The following SPPL3 variants were observed in gnomAD, a reference collection of about 807,000 sequenced individuals.
SPPL3 encodes signal peptide peptidase like 3, also known as signal peptide peptidase-like 3.
In SPPL3, 5 loss-of-function variants were observed where a neutral mutation model predicts 42.4. The observed-to-expected ratio is 0.12, with a 90% CI of 0.06 to 0.25. The LOEUF (loss-of-function observed/expected upper bound fraction) is 0.25. Among genes scored for constraint, SPPL3 ranks in the 10% least tolerant of loss-of-function variants. The pLI, the probability that SPPL3 is intolerant of heterozygous loss-of-function variation, is 1.00. For missense variants in SPPL3, 235 were observed against 489.0 expected, an observed-to-expected ratio of 0.48 and a Z score of 4.90; for synonymous variants, 195 against 181.8, an observed-to-expected ratio of 1.07 and a Z score of -0.58.
At chr12:120,886,123 G>A (rs1279836368) in intron 1 of SPPL3, among the ~76,000 whole-genome samples, 1 of 150,816 alleles carries the variant, frequency 6.6e-6, no homozygotes, top group East Asian at 1.9e-4. Context: ...GATTACAGGC[G>A]TGAGCCACCA....
intron 10 of SPPL3, 105 bp downstream of exon 10, chr12:120,766,142 AGTCGAGATCACAAGCT>A: frequency 7.6e-6 from 5 of 656,448 alleles, no homozygotes; most frequent in Non-Finnish European, 1.2e-5. Flanking sequence ...ACACACACAC[AGTCGAGATCACAAGCT>A]CACTCAGGGG....
At chr12:120,869,237 C>G (rs1008649404) in intron 1 of SPPL3, among the ~76,000 whole-genome samples, 1 of 152,116 alleles carries the variant, frequency 6.6e-6, no homozygotes, top group African/African-American at 2.4e-5. Context: ...ACTACGATAC[C>G]ATGAGGAGTA....
At chr12:120,845,961 A>C (rs1048192310) in intron 1 of SPPL3, among the ~76,000 whole-genome samples, 2 of 151,852 alleles carry the variant, frequency 1.3e-5, no homozygotes, top group Non-Finnish European at 2.9e-5. Context: ...GCGGTGGTGC[A>C]ATCTTGCTCA....
chr12:120,903,939 G>A lies in SPPL3; in HGVS notation c.-72C>T. On this transcript the variant is annotated 5_prime_UTR_variant, in exon 1 of 11. Transcript: ENST00000353487. ...CGGCGGCGGGCTCGCTCGGGCCGTA[G>A]CTGAAGGCGCGGCCGGGGTCCGGTG... 2.4e-6 allele frequency: 3 copies of A among 1,244,022 alleles called. No individual in the cohort carries two copies. Among genetic ancestry groups the A allele is most frequent in the Non-Finnish European group, 3.1e-6 (3 of 979,602 alleles). 77.1% of individuals were successfully genotyped at this position (1,244,022 alleles called of 1,614,324 possible).
intron 1 of SPPL3, among the ~76,000 whole-genome samples, chr12:120,895,793 C>T (rs1476601854): frequency 6.6e-6 from 1 of 152,150 alleles, no homozygotes; most frequent in African/African-American, 2.4e-5. Context: ...AACTATTGTA[C>T]CAAATACAAC....
At chr12:120,790,989 A>G (rs1008924183) in intron 3 of SPPL3, among the ~76,000 whole-genome samples, 1 of 152,062 alleles carries the variant, frequency 6.6e-6, no homozygotes, top group African/African-American at 2.4e-5. Context: ...CACCTGGCTG[A>G]TTTTGTATTT....
chr12:120,767,281 A>G (rs1410698020), intron 9 of SPPL3, 113 bp downstream of exon 9: 2 of 1,184,148 alleles, frequency 1.7e-6, no homozygotes, highest in Non-Finnish European at 2.4e-6. Flanking sequence ...TACAGCACCC[A>G]GAATTCCTGC....
chr12:120,884,210 G>C (rs1873378127), intron 1 of SPPL3, among the ~76,000 whole-genome samples: 1 of 152,100 alleles, frequency 6.6e-6, no homozygotes, highest in African/African-American at 2.4e-5. Flanking sequence ...ACAGGGGACA[G>C]AGGCATGAGG....
rs142481202 is a variant in SPPL3 at position 120,863,449 on chromosome 12, G to A, written c.23+40396C>T. Among the ~76,000 whole-genome samples, 5 of 152,266 alleles carry A rather than the reference G, an allele frequency of 3.3e-5. No individual in the cohort carries two copies. In the East Asian group the frequency reaches 9.6e-4, roughly 29 times the overall value. ...TTACATTTCTGCAAATATCTTTAATGTCTGGCTTAATCGAAGTCAGCAGTA... is the reference window on the plus strand; with the variant it reads ...TTACATTTCTGCAAATATCTTTAATATCTGGCTTAATCGAAGTCAGCAGTA... On this transcript the variant is annotated intron_variant, in intron 1 of 10. Transcript: ENST00000353487.
At chr12:120,899,277 C>A (rs1873901102) in intron 1 of SPPL3, among the ~76,000 whole-genome samples, 1 of 152,180 alleles carries the variant, frequency 6.6e-6, no homozygotes, top group Non-Finnish European at 1.5e-5. Context: ...TCTTGCAGCA[C>A]TGGTACATCA....
At chr12:120,891,160 C>T (rs1382174984) in intron 1 of SPPL3, among the ~76,000 whole-genome samples, 1 of 152,180 alleles carries the variant, frequency 6.6e-6, no homozygotes, top group Non-Finnish European at 1.5e-5. Context: ...CTTGTTATTC[C>T]CTTTTTCCTA....
chr12:120,875,595 C>T (rs1873061208), intron 1 of SPPL3, among the ~76,000 whole-genome samples: 2 of 149,488 alleles, frequency 1.3e-5, no homozygotes, highest in South Asian at 4.2e-4. Context: ...TGCCACTGCC[C>T]TCTAGCCTGG....
chr12:120,790,575 A>C (rs1218348360), intron 3 of SPPL3, among the ~76,000 whole-genome samples: 2 of 152,162 alleles, frequency 1.3e-5, no homozygotes, highest in African/African-American at 4.8e-5. Context: ...CTTCTCCACC[A>C]ATCCACATTC....
In SPPL3 at chr12:120,810,890, G is replaced by C; in HGVS notation, c.24-4C>G. The C allele has an allele frequency of 6.2e-7, 1 of 1,610,200 alleles. No individual in the cohort carries two copies. The highest frequency in any genetic ancestry group is 8.5e-7 in the Non-Finnish European group (1 of 1,176,728). ...GGAATCCACCAGGGAATAGGCCCTA[G>C]AGAAATAAGAGGAAAAAAATTTAAA... is the stretch of plus-strand genomic sequence containing the variant. On this transcript the variant is annotated splice_polypyrimidine_tract_variant and splice_region_variant and intron_variant, in intron 1 of 10. Coordinates refer to ENST00000353487, the MANE Select transcript of SPPL3 (RefSeq NM_139015.5).
At chr12:120,802,732 G>A (rs1870359114) in intron 2 of SPPL3, among the ~76,000 whole-genome samples, 1 of 151,870 alleles carries the variant, frequency 6.6e-6, no homozygotes, top group African/African-American at 2.4e-5. Flanking sequence ...ACCGTGCCTG[G>A]TCTGCTACCA....
intron 6 of SPPL3, chr12:120,769,947 G>C (rs1441937269): frequency 1.4e-5 from 2 of 146,982 alleles, no homozygotes; most frequent in Non-Finnish European, 3.0e-5. Context: ...TTCCATTTGG[G>C]TGAATTTTCA....
At chr12:120,883,677 A>G (rs1475754740) in intron 1 of SPPL3, among the ~76,000 whole-genome samples, 2 of 152,256 alleles carry the variant, frequency 1.3e-5, no homozygotes, top group Non-Finnish European at 2.9e-5. Context: ...ACTGGAAAGG[A>G]ATGCAACAAC....
intron 1 of SPPL3, among the ~76,000 whole-genome samples, chr12:120,817,952 C>A (rs546954840): frequency 1.3e-4 from 20 of 152,212 alleles, no homozygotes; most frequent in African/African-American, 4.8e-4. Context: ...AGACTACGAT[C>A]AATGGAGCAG....
chr12:120,826,448 G>C (rs1871235405), intron 1 of SPPL3, among the ~76,000 whole-genome samples: 1 of 152,124 alleles, frequency 6.6e-6, no homozygotes, highest in Admixed American at 6.5e-5. Context: ...ATGTGGCAGA[G>C]ACAGTTAGAG....
Sources: gnomAD v4.1 joint callset for allele counts (sites outside exome capture counted in the v4.1 genomes callset) on GRCh38, gnomAD v4.1.1 for gene constraint, MANE v1.5 for transcripts, NCBI Gene and HGNC (gene_info 2026-07-23, HGNC 2026-07-21) for gene names.